RAB31: variants seen among roughly 807,000 people sequenced by gnomAD.
RAB31 encodes the protein RAB31, member RAS oncogene family, also known as ras-related protein Rab-31.
In RAB31, 21 loss-of-function variants were observed where a neutral mutation model predicts 25.6. The ratio of observed to expected loss-of-function variants is 0.82; its 90% CI spans 0.58 to 1.18. RAB31 has a LOEUF of 1.18. Ranked by LOEUF, RAB31 falls within the 50% of genes most tolerant of loss-of-function variation. RAB31 has a pLI of 0.00. For missense variants in RAB31, 196 were observed against 250.1 expected (o/e 0.78, Z 1.46); for synonymous variants, 87 against 84.0 (o/e 1.04, Z -0.20).
At chr18:9,719,174 G>A (rs1456131617) in intron 1 of RAB31, among the ~76,000 whole-genome samples, 1 of 145,922 alleles carries the variant, frequency 6.9e-6, no homozygotes, top group Non-Finnish European at 1.5e-5. Context: ...GGAGGCTGGA[G>A]CATGAGAATC....
chr18:9,857,686 T>TAGAAA (rs1555693032), intron 6 of RAB31, among the ~76,000 whole-genome samples: 1 of 114,088 alleles, frequency 8.8e-6, no homozygotes, highest in African/African-American at 3.3e-5. Context: ...GATAGATAGA[T>TAGAAA]GATAGATAGA....
In RAB31 at chr18:9,708,312, G is replaced by C; in HGVS notation, c.-94G>C. 1.1e-6 allele frequency: 1 copy of C among 936,860 alleles called. No individual in the cohort carries two copies. Among genetic ancestry groups the C allele is most frequent in the Non-Finnish European group, 1.4e-6 (1 of 720,508 alleles). The allele number at this position is 936,860 out of a possible 1,614,324, so 58.0% of individuals were successfully genotyped here. On this transcript the variant is annotated 5_prime_UTR_variant, in exon 1 of 7. Coordinates refer to ENST00000578921, the MANE Select transcript of RAB31 (RefSeq NM_006868.4). This position sits in a 1 kb window ranked among gnomAD's most constrained non-coding sequence, Gnocchi z 6.4. ...CGGCGGTTCCGCCCGCGGGCGGCGCGAGCGAGGGGCAGAGGCGAGAGACGC... is the reference window on the plus strand; with the variant it reads ...CGGCGGTTCCGCCCGCGGGCGGCGCCAGCGAGGGGCAGAGGCGAGAGACGC...
intron 5 of RAB31, among the ~76,000 whole-genome samples, chr18:9,835,751 T>G (rs2068701201): frequency 6.6e-6 from 1 of 152,306 alleles, no homozygotes; most frequent in South Asian, 2.1e-4. Flanking sequence ...TTTATTTTCG[T>G]TTTTTTCCTT....
chr18:9,793,925 A>G (rs1400264757), intron 3 of RAB31, among the ~76,000 whole-genome samples: 1 of 152,042 alleles, frequency 6.6e-6, no homozygotes, highest in East Asian at 1.9e-4. Context: ...ATCTTCCAAT[A>G]TATTATTTAA....
chr18:9,765,863 T>A (rs1004243643), intron 1 of RAB31, among the ~76,000 whole-genome samples: 1 of 147,390 alleles, frequency 6.8e-6, no homozygotes, highest in Non-Finnish European at 1.5e-5. Flanking sequence ...TACTTCACTT[T>A]GGGGACCCGA....
At chr18:9,805,046 G>C (rs1319721259) in intron 3 of RAB31, among the ~76,000 whole-genome samples, 1 of 152,096 alleles carries the variant, frequency 6.6e-6, no homozygotes, top group African/African-American at 2.4e-5. Context: ...GAGCCCAGGA[G>C]TTCAAGACCA....
intron 6 of RAB31, among the ~76,000 whole-genome samples, chr18:9,855,524 G>A (rs1296442645): frequency 1.3e-5 from 2 of 152,096 alleles, no homozygotes; most frequent in Non-Finnish European, 2.9e-5. Flanking sequence ...GAAAGCCATG[G>A]CCATTTTCCA....
At chr18:9,799,391 G>A (rs994530119) in intron 3 of RAB31, among the ~76,000 whole-genome samples, 8 of 152,076 alleles carry the variant, frequency 5.3e-5, no homozygotes, top group Non-Finnish European at 1.2e-4. Flanking sequence ...TCTTATATTT[G>A]TGGTACAAAT....
intron 5 of RAB31, among the ~76,000 whole-genome samples, chr18:9,819,624 C>A (rs10460021): frequency 0.083 from 12,576 of 152,140 alleles, 747 homozygotes; most frequent in East Asian, 0.3. Flanking sequence ...TTGATTTTAA[C>A]AGAAATTGTG....
chr18:9,734,102 A>AGGAGGGAGGAG (rs2068137479), intron 1 of RAB31, among the ~76,000 whole-genome samples: 1 of 49,068 alleles, frequency 2.0e-5, no homozygotes, highest in Non-Finnish European at 3.7e-5. Flanking sequence ...GGTGGCGGGG[A>AGGAGGGAGGAG]GGAGGGAGGG....
intron 3 of RAB31, among the ~76,000 whole-genome samples, chr18:9,795,165 T>G (rs1164109737): frequency 1.3e-5 from 2 of 152,148 alleles, no homozygotes; most frequent in Non-Finnish European, 2.9e-5. Context: ...CAACAAATGG[T>G]GCTGGGATAA....
intron 1 of RAB31, among the ~76,000 whole-genome samples, chr18:9,718,019 C>T (rs866393702): frequency 3.3e-5 from 5 of 152,120 alleles, no homozygotes; most frequent in African/African-American, 9.6e-5. Flanking sequence ...CTCAGCCTCC[C>T]GAGTAGCTGG....
intron 1 of RAB31, among the ~76,000 whole-genome samples, chr18:9,714,600 G>A (rs2068035058): frequency 6.6e-6 from 1 of 152,178 alleles, no homozygotes. Context: ...GGTAGATAAC[G>A]CTTATTTGGT....
intron 1 of RAB31, among the ~76,000 whole-genome samples, chr18:9,761,100 C>T (rs192903393): frequency 1.5e-3 from 225 of 152,300 alleles, no homozygotes; most frequent in African/African-American, 5.0e-3. Context: ...ATGCTAACTT[C>T]ATTTGCTGAT....
intron 1 of RAB31, among the ~76,000 whole-genome samples, chr18:9,755,249 C>T (rs1271101963): frequency 2.0e-5 from 3 of 152,172 alleles, no homozygotes; most frequent in Non-Finnish European, 2.9e-5. Flanking sequence ...AACTTGGAAT[C>T]TCATTAGCTC....
At chr18:9,732,889 A>G (rs999174959) in intron 1 of RAB31, among the ~76,000 whole-genome samples, 1 of 152,194 alleles carries the variant, frequency 6.6e-6, no homozygotes, top group African/African-American at 2.4e-5. Flanking sequence ...TACTGAGCAT[A>G]ATAACCTGGA....
intron 1 of RAB31, among the ~76,000 whole-genome samples, chr18:9,763,432 C>T (rs2068298643): frequency 6.6e-6 from 1 of 151,446 alleles, no homozygotes; most frequent in Non-Finnish European, 1.5e-5. Context: ...ATCAAGGAAT[C>T]GAAAACTAGG....
chr18:9,856,921 C>A (rs78451795), intron 6 of RAB31, among the ~76,000 whole-genome samples: 3,597 of 152,190 alleles, frequency 0.024, 154 homozygotes, highest in African/African-American at 0.082. Context: ...TTGGAGACTT[C>A]CTTCTCTATT....
At position 9,719,248 on chromosome 18, in the gene RAB31, T is replaced by A. The variant is rs1216197725; in HGVS notation, c.39+10804T>A. Among the ~76,000 whole-genome samples, 9 of 105,472 alleles carry A rather than the reference T, an allele frequency of 8.5e-5. 1 individual carries two copies. Among genetic ancestry groups the A allele is most frequent in the Non-Finnish European group, 1.0e-4 (6 of 57,518 alleles). The allele number at this position is 105,472 out of a possible 152,430, so 69.2% of individuals were successfully genotyped here. On this transcript the variant is annotated intron_variant, in intron 1 of 6. Coordinates refer to ENST00000578921, the MANE Select transcript of RAB31 (RefSeq NM_006868.4). ...TTGTGCCACTGTACTCCAGCCCGGG[T>A]GACAGAGCAAGACTCTGTCTCAAAA...
Sources: gnomAD v4.1 joint callset for allele counts (sites outside exome capture counted in the v4.1 genomes callset) on GRCh38, gnomAD v4.1.1 for gene constraint, Gnocchi (gnomAD v3.1) non-coding constraint, MANE v1.5 for transcripts, NCBI Gene and HGNC (gene_info 2026-07-23, HGNC 2026-07-21) for gene names.